RBFOX1: variants seen among roughly 807,000 people sequenced by gnomAD.
RBFOX1 encodes the protein RNA binding fox-1 homolog 1.
RBFOX1 carries 8 observed loss-of-function variants against 57.7 expected under a neutral mutation model. The observed-to-expected ratio is 0.14, with a 90% CI of 0.08 to 0.25. The LOEUF (loss-of-function observed/expected upper bound fraction) is 0.25, where lower values mean the gene tolerates loss of function less well. RBFOX1 is among the 10% of genes least tolerant of loss of function. The pLI is 1.00. For synonymous variants in RBFOX1, 326 were observed against 222.4 expected, an observed-to-expected ratio of 1.47 and a Z score of -4.15; for missense variants, 611 against 548.5, an observed-to-expected ratio of 1.11 and a Z score of -1.14.
intron 2 of RBFOX1, among the ~76,000 whole-genome samples, chr16:6,410,148 G>A (rs917643): frequency 0.43 from 64,622 of 149,466 alleles, 14,705 homozygotes; most frequent in Non-Finnish European, 0.5. Flanking sequence ...TTGCAGTTTA[G>A]AGTTTTAAGC....
At chr16:5,826,805 T>A (rs1004878701) in intron 3 of RBFOX1, among the ~76,000 whole-genome samples, 3 of 152,242 alleles carry the variant, frequency 2.0e-5, no homozygotes, top group Non-Finnish European at 4.4e-5. Flanking sequence ...TATTATTTAT[T>A]CATTTGTTAA....
At chr16:6,608,618 A>G (rs1161338166) in intron 2 of RBFOX1, among the ~76,000 whole-genome samples, 2 of 152,178 alleles carry the variant, frequency 1.3e-5, no homozygotes, top group African/African-American at 2.4e-5. Context: ...GCAAGACCCC[A>G]TCTCTACAAA....
chr16:6,816,896 C>T (rs1229852509), intron 3 of RBFOX1, among the ~76,000 whole-genome samples: 5 of 151,942 alleles, frequency 3.3e-5, no homozygotes, highest in African/African-American at 4.8e-5. Flanking sequence ...AGGTAAATAC[C>T]ACCATGCCTA....
intron 4 of RBFOX1, among the ~76,000 whole-genome samples, chr16:7,223,712 G>GAAA (rs71147673): frequency 2.6e-4 from 34 of 130,470 alleles, no homozygotes; most frequent in South Asian, 7.3e-4. Flanking sequence ...CAGTGTTTCA[G>GAAA]AAAAAAAAAA....
intron 4 of RBFOX1, among the ~76,000 whole-genome samples, chr16:7,155,238 G>A (rs116013434): frequency 7.2e-5 from 11 of 152,062 alleles, no homozygotes; most frequent in African/African-American, 1.9e-4. Flanking sequence ...TTTTGAGAGA[G>A]TGAACTTCAT....
At chr16:6,912,783 G>C (rs377122113) in intron 3 of RBFOX1, among the ~76,000 whole-genome samples, 11 of 151,112 alleles carry the variant, frequency 7.3e-5, no homozygotes. Flanking sequence ...ACACGTGCCC[G>C]CCTAATTTTT....
At chr16:7,006,820 A>T (rs1158852294) in intron 3 of RBFOX1, among the ~76,000 whole-genome samples, 1 of 152,150 alleles carries the variant, frequency 6.6e-6, no homozygotes, top group Non-Finnish European at 1.5e-5. Flanking sequence ...CCTGCCCAAG[A>T]ACCCTCAGCT....
chr16:7,191,368 A>G (rs11077142), intron 4 of RBFOX1, among the ~76,000 whole-genome samples: 97,226 of 151,334 alleles, frequency 0.64, 31,908 homozygotes, highest in African/African-American at 0.78. Context: ...CATTGCTACA[A>G]TATTTCCTGG....
chr16:7,372,392 A>G (rs942833068), intron 4 of RBFOX1, among the ~76,000 whole-genome samples: 62 of 152,304 alleles, frequency 4.1e-4, no homozygotes, highest in African/African-American at 1.4e-3. Flanking sequence ...TTGCCTTGGT[A>G]ATAGGATTTT....
chr16:5,531,256 A>G (rs926126040), intron 2 of RBFOX1, among the ~76,000 whole-genome samples: 1 of 152,202 alleles, frequency 6.6e-6, no homozygotes, highest in African/African-American at 2.4e-5. Context: ...TGGCTCCAGC[A>G]AAGGGATGGG....
chr16:5,431,912 C>A (rs1011185297), intron 1 of RBFOX1, among the ~76,000 whole-genome samples: 1 of 152,060 alleles, frequency 6.6e-6, no homozygotes, highest in African/African-American at 2.4e-5. Context: ...GACCACAGTT[C>A]CAGTAGGATT....
At chr16:6,131,465 C>A (rs192629484) in intron 1 of RBFOX1, among the ~76,000 whole-genome samples, 1 of 152,148 alleles carries the variant, frequency 6.6e-6, no homozygotes, top group Non-Finnish European at 1.5e-5. Context: ...ACCCCTTGCT[C>A]TAGAGTCACT....
intron 3 of RBFOX1, among the ~76,000 whole-genome samples, chr16:6,805,760 TAA>T (rs1348723755): frequency 6.6e-6 from 1 of 152,206 alleles, no homozygotes; most frequent in African/African-American, 2.4e-5. Flanking sequence ...CCCTCCACTG[TAA>T]AGTCTGAAGT....
chr16:7,633,855 G>C (rs903208415), intron 11 of RBFOX1, among the ~76,000 whole-genome samples: 25 of 152,154 alleles, frequency 1.6e-4, no homozygotes, highest in African/African-American at 3.9e-4. Flanking sequence ...TTTTGGTCTA[G>C]GCTGTTTGTG....
chr16:6,238,191 AT>A (rs951467057), intron 1 of RBFOX1, among the ~76,000 whole-genome samples: 4 of 152,004 alleles, frequency 2.6e-5, no homozygotes, highest in Non-Finnish European at 5.9e-5. Flanking sequence ...ACATAAAAAT[AT>A]TGCTATTACA....
chr16:7,662,503 A>C (rs1310841238), intron 12 of RBFOX1, among the ~76,000 whole-genome samples: 1 of 152,088 alleles, frequency 6.6e-6, no homozygotes, highest in Non-Finnish European at 1.5e-5. Context: ...TATGAACCCT[A>C]TTCACCCAGT....
At chr16:6,541,946 C>T (rs1307211611) in intron 2 of RBFOX1, among the ~76,000 whole-genome samples, 2 of 146,698 alleles carry the variant, frequency 1.4e-5, no homozygotes, top group East Asian at 2.0e-4. Context: ...ACATCTCCCC[C>T]TTTTTTTTTT....
intron 3 of RBFOX1, among the ~76,000 whole-genome samples, chr16:5,693,006 T>C (rs2050738612): frequency 6.6e-6 from 1 of 152,130 alleles, no homozygotes; most frequent in African/African-American, 2.4e-5. Flanking sequence ...TTTTCCAGCT[T>C]CCCCCCAGCT....
intron 3 of RBFOX1, among the ~76,000 whole-genome samples, chr16:6,958,833 G>A (rs1029880722): frequency 5.9e-5 from 9 of 152,090 alleles, no homozygotes; most frequent in African/African-American, 1.9e-4. Context: ...GGGTGGCCCG[G>A]CATTGCTGAT....
Sources: gnomAD v4.1 joint callset for allele counts (sites outside exome capture counted in the v4.1 genomes callset) on GRCh38, gnomAD v4.1.1 for gene constraint, MANE v1.5 for transcripts, NCBI Gene and HGNC (gene_info 2026-07-23, HGNC 2026-07-21) for gene names.